KSR1: variants seen among roughly 807,000 people sequenced by gnomAD.
The protein encoded by KSR1 is kinase suppressor of ras 1, also known as kinase suppressor of ras.
A neutral mutation model predicts 92.9 loss-of-function variants in KSR1; 35 were observed. The observed-to-expected ratio is 0.38, with a 90% CI of 0.29 to 0.50. The LOEUF (loss-of-function observed/expected upper bound fraction) is 0.50, where lower values mean the gene tolerates loss of function less well. KSR1 is among the 20% of genes least tolerant of loss of function. The probability of loss-of-function intolerance (pLI) is 0.94; values close to 1 mark genes in which losing one functional copy is unlikely to be tolerated. For synonymous variants in KSR1, 467 were observed against 472.6 expected (o/e 0.99, Z 0.15); for missense variants, 972 against 1,158.5 (o/e 0.84, Z 2.34).
chr17:27,594,046 G>A (rs376065857), intron 9 of KSR1, among the ~76,000 whole-genome samples: 2 of 152,142 alleles, frequency 1.3e-5, no homozygotes, highest in South Asian at 4.1e-4. Context: ...TAGGGTTTCA[G>A]CATGTGAGTT....
At position 27,606,170 on chromosome 17, in the gene KSR1, T is replaced by C. The variant is rs149228736; in HGVS notation, c.1994+357T>C. 4.5e-3 allele frequency among the ~76,000 whole-genome samples: 689 copies of C among 152,252 alleles called. 4 individuals are homozygous for C. Among genetic ancestry groups the C allele is most frequent in the African/African-American group, 0.016 (662 of 41,534 alleles). On this transcript the variant is annotated intron_variant, in intron 14 of 20. Coordinates refer to ENST00000644974, the MANE Select transcript of KSR1 (RefSeq NM_001394583.1). ...TGCCTGTGCCTGTGGTCTCAGCTACTTGGGAGGCTGAGGCAGGAGGATCGC... is the reference window on the plus strand; with the variant it reads ...TGCCTGTGCCTGTGGTCTCAGCTACCTGGGAGGCTGAGGCAGGAGGATCGC...
At chr17:27,593,496 A>G (rs1373257016) in intron 9 of KSR1, among the ~76,000 whole-genome samples, 4 of 152,244 alleles carry the variant, frequency 2.6e-5, no homozygotes, top group Non-Finnish European at 5.9e-5. Context: ...CATGTGGCTC[A>G]GGCCGGAAGA....
chr17:27,489,792 C>T (rs1220991013), intron 1 of KSR1, among the ~76,000 whole-genome samples: 1 of 152,114 alleles, frequency 6.6e-6, no homozygotes, highest in Non-Finnish European at 1.5e-5. Context: ...AGGAGGAGGT[C>T]ATGAAGAATC....
chr17:27,529,574 C>T (rs1356783334), intron 1 of KSR1, among the ~76,000 whole-genome samples: 2 of 152,238 alleles, frequency 1.3e-5, no homozygotes, highest in Non-Finnish European at 2.9e-5. Context: ...GTCCCTCTGC[C>T]AATGTTGCCA....
At chr17:27,581,551 G>A (rs1191736778) in intron 3 of KSR1, among the ~76,000 whole-genome samples, 2 of 151,936 alleles carry the variant, frequency 1.3e-5, no homozygotes, top group Admixed American at 6.6e-5. Flanking sequence ...TTCTTCCATA[G>A]CTGGCTCATG....
At chr17:27,535,744 C>T (rs1311205346) in intron 1 of KSR1, among the ~76,000 whole-genome samples, 2 of 152,218 alleles carry the variant, frequency 1.3e-5, no homozygotes, top group African/African-American at 2.4e-5. Flanking sequence ...CGCAGTCAGC[C>T]AGCAGCTGTG....
At chr17:27,582,292 A>G (rs2052649718) in intron 3 of KSR1, among the ~76,000 whole-genome samples, 1 of 152,174 alleles carries the variant, frequency 6.6e-6, no homozygotes, top group South Asian at 2.1e-4. Flanking sequence ...CAGTATGCCT[A>G]CCTGTTCAGC....
intron 6 of KSR1, among the ~76,000 whole-genome samples, chr17:27,589,265 A>G (rs1029087077): frequency 2.0e-5 from 3 of 152,158 alleles, no homozygotes; most frequent in Admixed American, 2.0e-4. Flanking sequence ...GGCATCTTAC[A>G]GCTGGTAGTA....
intron 16 of KSR1, 38 bp downstream of exon 16, chr17:27,609,367 C>T (rs2073852547): frequency 2.5e-6 from 4 of 1,610,750 alleles, no homozygotes; most frequent in African/African-American, 2.7e-5. Flanking sequence ...GTTGTGGGTG[C>T]TGGATGGGGA....
rs1405720733 is a variant in KSR1 at position 27,610,086 on chromosome 17, C to G, written c.2245C>G (p.Leu749Val). 6.2e-6 allele frequency: 10 copies of G among 1,613,992 alleles called. No homozygotes were observed. Among genetic ancestry groups the G allele is most frequent in the Non-Finnish European group, 7.6e-6 (9 of 1,179,854 alleles). Residue 749 changes from leucine (L) to valine (V), a missense_variant, in exon 17 of 21, where the codon CTG becomes GTG. Physicochemically the swap from Leu to Val is conservative, Grantham distance 32. Around this residue, in one of 5 missense-constraint regions of KSR1, gnomAD observed 260 missense variants for 375.2 expected, o/e 0.69. Transcript: ENST00000644974. ...REGRRENQLK[L>V]SHDWLCYLAP... Reference sequence around the variant, plus strand: ...CTCCAGGCGTGAGAACCAGCTAAAGCTGTCCCACGACTGGCTGTGCTATCT... The same window carrying G: ...CTCCAGGCGTGAGAACCAGCTAAAGGTGTCCCACGACTGGCTGTGCTATCT...
At chr17:27,585,619 G>A (rs1272729334) in intron 4 of KSR1, 38 bp from the exon 5 acceptor site, 1 of 752,952 alleles carries the variant, frequency 1.3e-6, no homozygotes, top group Non-Finnish European at 2.5e-6. Context: ...AGCCAGCGTG[G>A]TGACGTAATC....
At chr17:27,545,203 C>T (rs929419029) in intron 1 of KSR1, among the ~76,000 whole-genome samples, 6 of 152,152 alleles carry the variant, frequency 3.9e-5, no homozygotes, top group Non-Finnish European at 5.9e-5. Flanking sequence ...GGATCTCTAC[C>T]GGCCTTTAAA....
rs973749230 is a variant in KSR1 at position 27,623,543 on chromosome 17, C to G, written c.*151C>G. Reference sequence around the variant, plus strand: ...GATTCAGACTGTTGGCCATAAACCCCACTCGGGAGATGGAGCTGCACCTGC... The same window carrying G: ...GATTCAGACTGTTGGCCATAAACCCGACTCGGGAGATGGAGCTGCACCTGC... On this transcript the variant is annotated 3_prime_UTR_variant, in exon 21 of 21. Coordinates refer to ENST00000644974, the MANE Select transcript of KSR1 (RefSeq NM_001394583.1). The G allele has an allele frequency of 4.3e-5, 29 of 667,774 alleles. No individual in the cohort carries two copies. Among genetic ancestry groups the G allele is most frequent in the Middle Eastern group, 5.6e-4 (2 of 3,540 alleles). 41.4% of individuals were successfully genotyped at this position (667,774 alleles called of 1,614,324 possible).
At chr17:27,556,826 G>T (rs117606979) in intron 2 of KSR1, among the ~76,000 whole-genome samples, 1 of 152,222 alleles carries the variant, frequency 6.6e-6, no homozygotes, top group African/African-American at 2.4e-5. Context: ...GCCTTCATGG[G>T]TTGGTGTGGC....
At chr17:27,550,354 G>A (rs1187652552) in intron 1 of KSR1, among the ~76,000 whole-genome samples, 1 of 152,202 alleles carries the variant, frequency 6.6e-6, no homozygotes, top group African/African-American at 2.4e-5. Context: ...GCCCTGGGTA[G>A]GGCAGGGGGC....
At chr17:27,519,896 T>C (rs944027928) in intron 1 of KSR1, among the ~76,000 whole-genome samples, 6 of 151,944 alleles carry the variant, frequency 3.9e-5, no homozygotes, top group Admixed American at 3.9e-4. Context: ...CAGCTGGGAG[T>C]GGGGATAGTA....
chr17:27,478,617 G>A (rs112085962), intron 1 of KSR1, among the ~76,000 whole-genome samples: 5,107 of 152,160 alleles, frequency 0.034, 268 homozygotes, highest in African/African-American at 0.12. Flanking sequence ...TTCCCATCCT[G>A]TCTGTGGCTT....
At chr17:27,533,855 G>A (rs1430829837) in intron 1 of KSR1, among the ~76,000 whole-genome samples, 1 of 152,190 alleles carries the variant, frequency 6.6e-6, no homozygotes, top group Admixed American at 6.5e-5. Flanking sequence ...AATAAGGGTG[G>A]TCAGTTGATT....
intron 13 of KSR1, among the ~76,000 whole-genome samples, chr17:27,605,217 A>G (rs1598132460): frequency 6.6e-6 from 1 of 152,244 alleles, no homozygotes; most frequent in Non-Finnish European, 1.5e-5. Flanking sequence ...GCCTCAGGTC[A>G]CCGGGGCCAG....
Sources: gnomAD v4.1 joint callset for allele counts (sites outside exome capture counted in the v4.1 genomes callset) on GRCh38, gnomAD v4.1.1 for gene constraint, gnomAD v4.1.1 regional missense constraint, MANE v1.5 for transcripts, NCBI Gene and HGNC (gene_info 2026-07-23, HGNC 2026-07-21) for gene names.